Variants in DOCK1 observed in about 807,000 individuals in gnomAD.
DOCK1 encodes dedicator of cytokinesis protein 1.
A neutral mutation model predicts 262.7 loss-of-function variants in DOCK1; 138 were observed. The ratio of observed to expected loss-of-function variants is 0.53; its 90% CI spans 0.46 to 0.61. DOCK1 has a LOEUF of 0.61. Ranked by LOEUF, DOCK1 falls within the 20% of genes least tolerant of loss-of-function variation. The pLI is 0.00. For missense variants in DOCK1, 1,908 were observed against 2,370.7 expected (o/e 0.80, Z 4.05); for synonymous variants, 866 against 867.4 (o/e 1.00, Z 0.03).
At chr10:127,401,083 C>T (rs1026013972) in intron 38 of DOCK1, among the ~76,000 whole-genome samples, 17 of 152,038 alleles carry the variant, frequency 1.1e-4, no homozygotes, top group African/African-American at 1.7e-4. Flanking sequence ...CTCCTATGGC[C>T]CACCTAGAAG....
chr10:127,146,951 C>T (rs2051921571), intron 27 of DOCK1, among the ~76,000 whole-genome samples: 1 of 152,154 alleles, frequency 6.6e-6, no homozygotes, highest in South Asian at 2.1e-4. Context: ...TTTCTTTTTG[C>T]AATACACTCG....
At chr10:127,101,503 C>G (rs2048245122) in intron 23 of DOCK1, among the ~76,000 whole-genome samples, 1 of 152,220 alleles carries the variant, frequency 6.6e-6, no homozygotes, top group South Asian at 2.1e-4. Flanking sequence ...AAGCAGAATT[C>G]TGGTTTAATC....
intron 27 of DOCK1, among the ~76,000 whole-genome samples, chr10:127,234,779 T>G (rs528083648): frequency 6.6e-6 from 1 of 152,006 alleles, no homozygotes; most frequent in South Asian, 2.1e-4. Context: ...AAAGTATTAA[T>G]TAAATTGAAA....
At chr10:127,107,609 C>T (rs574560996) in intron 24 of DOCK1, among the ~76,000 whole-genome samples, 2 of 152,304 alleles carry the variant, frequency 1.3e-5, no homozygotes, top group Non-Finnish European at 2.9e-5. Context: ...AGAGCGGGCC[C>T]CAAAATGGCA....
intron 29 of DOCK1, among the ~76,000 whole-genome samples, chr10:127,311,155 A>C (rs2062049387): frequency 6.6e-6 from 1 of 152,194 alleles, no homozygotes; most frequent in Non-Finnish European, 1.5e-5. Flanking sequence ...AGGTCTGGGA[A>C]GGAGCCTGCA....
At position 127,418,488 on chromosome 10, in the gene DOCK1, C is replaced by T. The variant is rs150344117; in HGVS notation, c.4639C>T (p.Leu1547=). The change falls in exon 45 of 52, where the codon CTG becomes TTG. Residue 1547 remains leucine, a synonymous_variant. Coordinates refer to ENST00000623213, the MANE Select transcript of DOCK1 (RefSeq NM_001290223.2). ...SLPINPLSML[L]NGIVDPAVMG... ...GCCCATCAACCCGCTCTCCATGCTCCTGAACGGCATCGTGGACCCAGCTGT... is the reference window on the plus strand; with the variant it reads ...GCCCATCAACCCGCTCTCCATGCTCTTGAACGGCATCGTGGACCCAGCTGT... 3 of 1,614,152 alleles carry T rather than the reference C, an allele frequency of 1.9e-6. No individual in the cohort carries two copies. The highest frequency in any genetic ancestry group is 2.5e-6 in the Non-Finnish European group (3 of 1,180,038).
chr10:127,393,848 A>C (rs111554334), intron 38 of DOCK1, among the ~76,000 whole-genome samples: 1 of 151,772 alleles, frequency 6.6e-6, no homozygotes, highest in African/African-American at 2.4e-5. Context: ...TGTCATTTCC[A>C]TCTGTTTCCA....
chr10:127,085,587 A>G (rs1233534502), intron 23 of DOCK1, among the ~76,000 whole-genome samples: 2 of 152,086 alleles, frequency 1.3e-5, no homozygotes, highest in Non-Finnish European at 2.9e-5. Context: ...GTGAAACCCC[A>G]TCTCTGCTGA....
At position 127,316,084 on chromosome 10, in the gene DOCK1, G is replaced by A. The variant is rs1399245630; in HGVS notation, c.3045-22922G>A. Reference sequence around the variant, plus strand: ...CCTACAATGGGATGTGTTGATACACGTAGTGAAGTGATGGCTACCTTCCAG... The same window carrying A: ...CCTACAATGGGATGTGTTGATACACATAGTGAAGTGATGGCTACCTTCCAG... On this transcript the variant is annotated intron_variant, in intron 29 of 51. Transcript: ENST00000623213. Among the ~76,000 whole-genome samples the A allele has an allele frequency of 3.3e-5, 5 of 152,120 alleles. No individual in the cohort carries two copies. The South Asian group carries it at 8.3e-4, about 25-fold the overall frequency.
At chr10:127,017,088 C>T (rs1409068925) in intron 12 of DOCK1, among the ~76,000 whole-genome samples, 2 of 93,336 alleles carry the variant, frequency 2.1e-5, no homozygotes, top group Non-Finnish European at 4.4e-5. Flanking sequence ...ACAGATACAC[C>T]ACAAACACAT....
At position 127,381,319 on chromosome 10, in the gene DOCK1, A is replaced by T; in HGVS notation, c.3758A>T (p.Asn1253Ile). 1 of 1,613,242 alleles carries T rather than the reference A, an allele frequency of 6.2e-7. No homozygotes were observed. The highest frequency in any genetic ancestry group is 8.5e-7 in the Non-Finnish European group (1 of 1,179,410). ...TGTGACCTGCACAAGGAGTGTGATA[A>T]CTACACCGAAGCGGCTTACACCTTG... is the stretch of plus-strand genomic sequence containing the variant. Reference protein sequence around the residue: ...KLCDLHKECDNYTEAAYTLLL... With the variant: ...KLCDLHKECDIYTEAAYTLLL... Residue 1253 changes from asparagine (N) to isoleucine (I), a missense_variant, in exon 37 of 52, where the codon AAC becomes ATC. By Grantham distance (149) the Asn-to-Ile change is moderately radical (BLOSUM62 -3). Transcript: ENST00000623213.
rs963364559 is a variant in DOCK1, at chr10:127,240,962, C to T, written c.2848-7046C>T. 2.0e-5 allele frequency among the ~76,000 whole-genome samples: 3 copies of T among 152,114 alleles called. No individual in the cohort carries two copies. In the East Asian group the frequency reaches 5.8e-4, roughly 29 times the overall value. On this transcript the variant is annotated intron_variant, in intron 27 of 51. Coordinates refer to ENST00000623213, the MANE Select transcript of DOCK1 (RefSeq NM_001290223.2). ...TTGACTTGTCCTGAAAATCACTAAG[C>T]TGGGGGAGGAATATAAGGAAGATAT...
Position 127,176,064 on chromosome 10 carries a change from A to G in DOCK1, c.2847+48300A>G. On this transcript the variant is annotated intron_variant, in intron 27 of 51. Transcript: ENST00000623213. The surrounding 1 kb of genome is among the most constrained non-coding windows in gnomAD (Gnocchi z 4.4). ...AGGGAACGTCTGGTAACACTTCTTA[A>G]GGTCGGGCGAGGTCTGCACGCCTGT... 6.2e-7 allele frequency: 1 copy of G among 1,613,896 alleles called. No homozygotes were observed. Among genetic ancestry groups the G allele is most frequent in the Non-Finnish European group, 8.5e-7 (1 of 1,179,990 alleles).
intron 23 of DOCK1, among the ~76,000 whole-genome samples, chr10:127,071,131 C>T (rs1370462034): frequency 6.6e-6 from 1 of 152,182 alleles, no homozygotes; most frequent in Non-Finnish European, 1.5e-5. Flanking sequence ...ATGGCTTGCT[C>T]TTAGAGGACC....
intron 23 of DOCK1, among the ~76,000 whole-genome samples, chr10:127,104,948 C>T (rs558232998): frequency 8.2e-4 from 125 of 152,268 alleles, no homozygotes; most frequent in African/African-American, 2.7e-3. Context: ...TATGGTTTGG[C>T]TGTGTCCCCA....
intron 29 of DOCK1, 79 bp from the exon 30 acceptor site, chr10:127,338,927 G>T: frequency 8.2e-7 from 1 of 1,217,502 alleles, no homozygotes; most frequent in Non-Finnish European, 1.2e-6. Context: ...GTCTGGGATT[G>T]TATCTAATTG....
At chr10:127,411,543 A>G (rs1011268888) in intron 43 of DOCK1, among the ~76,000 whole-genome samples, 5 of 152,288 alleles carry the variant, frequency 3.3e-5, no homozygotes, top group East Asian at 1.9e-4. Context: ...GGGACAACCA[A>G]TCAAAAAGAT....
chr10:127,174,397 G>A (rs1013882660), intron 27 of DOCK1, among the ~76,000 whole-genome samples: 2 of 152,150 alleles, frequency 1.3e-5, no homozygotes, highest in African/African-American at 2.4e-5. Flanking sequence ...AGCACATGCC[G>A]GCCTGTAGGA....
At chr10:127,251,280 A>C (rs111966948) in intron 28 of DOCK1, among the ~76,000 whole-genome samples, 11 of 152,132 alleles carry the variant, frequency 7.2e-5, no homozygotes, top group African/African-American at 2.6e-4. Flanking sequence ...CGCCCGGCTT[A>C]CTCTGACAAC....
Sources: allele counts gnomAD v4.1 joint callset (sites outside exome capture counted in the v4.1 genomes callset), GRCh38; gene constraint gnomAD v4.1.1; non-coding constraint Gnocchi (gnomAD v3.1); transcripts MANE v1.5; gene names NCBI Gene and HGNC (gene_info 2026-07-23, HGNC 2026-07-21).